LETM1: variants seen among roughly 807,000 people sequenced by gnomAD.
The protein encoded by LETM1 is mitochondrial proton/calcium exchanger protein.
A neutral mutation model predicts 74.5 loss-of-function variants in LETM1; 50 were observed. The observed-to-expected ratio is 0.67, with a 90% CI of 0.53 to 0.85. The LOEUF (loss-of-function observed/expected upper bound fraction) is 0.85. Ranked by LOEUF, LETM1 falls within the 40% of genes least tolerant of loss-of-function variation. The pLI is 0.00. For missense variants in LETM1, 824 were observed against 967.8 expected (o/e 0.85, Z 1.97); for synonymous variants, 446 against 407.1 (o/e 1.10, Z -1.15).
At chr4:1,847,315 TG>T in intron 2 of LETM1, among the ~76,000 whole-genome samples, 1 of 150,002 alleles carries the variant, frequency 6.7e-6, no homozygotes, top group South Asian at 2.1e-4. Flanking sequence ...CACTCTAGCC[TG>T]GGCAATGAAC....
At chr4:1,832,202 T>G (rs1258284255) in intron 6 of LETM1, among the ~76,000 whole-genome samples, 1 of 151,998 alleles carries the variant, frequency 6.6e-6, no homozygotes, top group Non-Finnish European at 1.5e-5. Flanking sequence ...CTCTGGAGGC[T>G]GAGGCAGGAG....
chr4:1,837,548 AC>A (rs1712499861), intron 3 of LETM1, among the ~76,000 whole-genome samples: 1 of 152,104 alleles, frequency 6.6e-6, no homozygotes, highest in Non-Finnish European at 1.5e-5. Flanking sequence ...TAAAGCTGGC[AC>A]ATGTGTTTTT....
At chr4:1,846,555 G>A (rs752330790) in intron 2 of LETM1, 3 of 152,208 alleles carry the variant, frequency 2.0e-5, no homozygotes, top group East Asian at 1.9e-4. Flanking sequence ...GTGAGCCACC[G>A]TGCCCGGCCA....
In LETM1 at chr4:1,842,672, G is replaced by A. The variant is rs566964867; in HGVS notation, c.144-875C>T. Among the ~76,000 whole-genome samples the A allele has an allele frequency of 2.0e-5, 3 of 152,306 alleles. No individual in the cohort carries two copies. In the South Asian group the frequency reaches 6.2e-4, roughly 32 times the overall value. On this transcript the variant is annotated intron_variant, in intron 2 of 13. Transcript: ENST00000302787. ...GAGGCCTCACAGGCAGCAGTGGGAG[G>A]CTGGCACTAACCCAGACCCATCTCG...
intron 6 of LETM1, among the ~76,000 whole-genome samples, chr4:1,829,511 T>C (rs920860492): frequency 2.6e-5 from 4 of 152,246 alleles, no homozygotes; most frequent in Non-Finnish European, 5.9e-5. Flanking sequence ...AATTTTCCCC[T>C]AATGGTAAAG....
chr4:1,823,471 G>A (rs1711866870), intron 8 of LETM1, among the ~76,000 whole-genome samples, 173 bp downstream of exon 8: 1 of 152,016 alleles, frequency 6.6e-6, no homozygotes, highest in Non-Finnish European at 1.5e-5. Context: ...GGCTGGTGAG[G>A]AGGGATGGAA....
At chr4:1,838,883 T>C (rs924906871) in intron 3 of LETM1, among the ~76,000 whole-genome samples, 4 of 151,992 alleles carry the variant, frequency 2.6e-5, no homozygotes, top group African/African-American at 9.7e-5. Flanking sequence ...AAGCAAACAA[T>C]ATCTGTGCTG....
intron 1 of LETM1, among the ~76,000 whole-genome samples, chr4:1,854,023 A>G (rs112655604): frequency 1.1e-4 from 16 of 152,318 alleles, no homozygotes; most frequent in African/African-American, 3.6e-4. Flanking sequence ...GAAGTGTTAA[A>G]AGTACTTTTA....
chr4:1,825,799 A>C, intron 6 of LETM1, 116 bp from the exon 7 acceptor site: 2 of 1,199,924 alleles, frequency 1.7e-6, no homozygotes, highest in Non-Finnish European at 1.2e-6. Context: ...GAATCAAACC[A>C]CGGCCACCAA....
At chr4:1,845,674 G>A (rs930371071) in intron 2 of LETM1, among the ~76,000 whole-genome samples, 1 of 149,416 alleles carries the variant, frequency 6.7e-6, no homozygotes, top group African/African-American at 2.5e-5. Flanking sequence ...CAGCCACCAA[G>A]TAGCTGGGAT....
At chr4:1,845,032 G>A (rs903469591) in intron 2 of LETM1, among the ~76,000 whole-genome samples, 1 of 150,860 alleles carries the variant, frequency 6.6e-6, no homozygotes, top group South Asian at 2.1e-4. Context: ...TTTACTAAAA[G>A]TACAAAAATT....
At chr4:1,827,996 G>C (rs1393836428) in intron 6 of LETM1, among the ~76,000 whole-genome samples, 2 of 143,192 alleles carry the variant, frequency 1.4e-5, no homozygotes, top group Admixed American at 1.3e-4. Flanking sequence ...AGGGGCGGCC[G>C]GGCAGAGGCG....
At chr4:1,821,123 ATT>A (rs572170622) in intron 10 of LETM1, among the ~76,000 whole-genome samples, 28 of 140,992 alleles carry the variant, frequency 2.0e-4, no homozygotes, top group Admixed American at 2.1e-4. Context: ...AAAAAGTGAA[ATT>A]TTTTTTTTTT....
chr4:1,824,983 C>T (rs1711932387), intron 7 of LETM1, among the ~76,000 whole-genome samples: 1 of 152,242 alleles, frequency 6.6e-6, no homozygotes, highest in African/African-American at 2.4e-5. Context: ...GGATGACTGC[C>T]AACAAGGGCA....
rs1189111566 is a variant in LETM1, at chr4:1,815,547, C to A, written c.2070+117G>T. ...CAGTCGCAGTGACAGACCCAAACCCCTGACAGGAGGGGGTAGCTGCCCAGG... is the reference window on the plus strand; with the variant it reads ...CAGTCGCAGTGACAGACCCAAACCCATGACAGGAGGGGGTAGCTGCCCAGG... On this transcript the variant is annotated intron_variant, in intron 13 of 13. Coordinates refer to ENST00000302787, the MANE Select transcript of LETM1 (RefSeq NM_012318.3). The A allele has an allele frequency of 3.5e-6, 4 of 1,150,810 alleles. No individual in the cohort carries two copies. The East Asian group carries it at 1.0e-4, about 29-fold the overall frequency. 71.3% of individuals were successfully genotyped at this position (1,150,810 alleles called of 1,614,324 possible).
chr4:1,854,295 C>T (rs1195066637), intron 1 of LETM1, among the ~76,000 whole-genome samples: 1 of 146,778 alleles, frequency 6.8e-6, no homozygotes, highest in Non-Finnish European at 1.5e-5. Context: ...GCCTGACCAA[C>T]ATGGTGAAAC....
chr4:1,822,941 C>G, intron 9 of LETM1, 47 bp downstream of exon 9: 3 of 1,345,118 alleles, frequency 2.2e-6, no homozygotes, highest in Non-Finnish European at 2.9e-6. Flanking sequence ...TCTAGGGAGG[C>G]TGGCTCAGGA....
chr4:1,822,973 A>C lies in LETM1; in HGVS notation c.1476+15T>G. 3 of 1,525,232 alleles carry C rather than the reference A, an allele frequency of 2.0e-6. No homozygotes were observed. The highest frequency in any genetic ancestry group is 2.7e-6 in the Non-Finnish European group (3 of 1,131,302). The allele number at this position is 1,525,232 out of a possible 1,614,324, so 94.5% of individuals were successfully genotyped here. ...AGGACAGCCCCACGCGGCACGGAGC[A>C]GGACCACCGCTTACCGCCACCTCCG... On this transcript the variant is annotated intron_variant, in intron 9 of 13. Coordinates refer to ENST00000302787, the MANE Select transcript of LETM1 (RefSeq NM_012318.3).
At chr4:1,851,993 C>T (rs1003631310) in intron 1 of LETM1, among the ~76,000 whole-genome samples, 3 of 152,262 alleles carry the variant, frequency 2.0e-5, no homozygotes, top group African/African-American at 7.2e-5. Context: ...CTCCACGTCC[C>T]TCACGAGCAC....
Sources: gnomAD v4.1 joint callset for allele counts (sites outside exome capture counted in the v4.1 genomes callset) on GRCh38, gnomAD v4.1.1 for gene constraint, MANE v1.5 for transcripts, NCBI Gene and HGNC (gene_info 2026-07-23, HGNC 2026-07-21) for gene names.